Variants in HORMAD1 observed in about 807,000 individuals in gnomAD.
HORMAD1 encodes HORMA domain containing 1.
In HORMAD1, 33 loss-of-function variants were observed where a neutral mutation model predicts 58.2. That is an observed-to-expected ratio of 0.57 (90% confidence interval 0.43 to 0.76). The LOEUF (loss-of-function observed/expected upper bound fraction) is 0.76. Among genes scored for constraint, HORMAD1 ranks in the 30% least tolerant of loss-of-function variants. The pLI is 0.00. For synonymous variants in HORMAD1, 137 were observed against 144.6 expected, an observed-to-expected ratio of 0.95 and a Z score of 0.38; for missense variants, 363 against 462.0, an observed-to-expected ratio of 0.79 and a Z score of 1.96.
At chr1:150,708,203 A>G in intron 9 of HORMAD1, 53 bp downstream of exon 9, 1 of 1,341,914 alleles carries the variant, frequency 7.5e-7, no homozygotes, top group East Asian at 2.6e-5. Flanking sequence ...CAATTGTTTC[A>G]ATAATGATAA....
chr1:150,716,654 T>C (rs976230855), intron 3 of HORMAD1, among the ~76,000 whole-genome samples: 1 of 151,764 alleles, frequency 6.6e-6, no homozygotes, highest in Non-Finnish European at 1.5e-5. Context: ...TGTACAAATC[T>C]GTTAATTTAT....
Position 150,719,642 on chromosome 1 carries a change from A to G in HORMAD1, c.-33-104T>C, listed in dbSNP as rs1004164887. The G allele has an allele frequency of 5.6e-6, 3 of 539,092 alleles. No individual in the cohort carries two copies. In the African/African-American group the frequency reaches 5.9e-5, roughly 11 times the overall value. The allele number at this position is 539,092 out of a possible 1,614,324, so 33.4% of individuals were successfully genotyped here. Reference sequence around the variant, plus strand: ...AAACAATTTTATGTGAATAAATTTGAATTTCTTTAATTAAAATAGAGTCTT... The same window carrying G: ...AAACAATTTTATGTGAATAAATTTGGATTTCTTTAATTAAAATAGAGTCTT... On this transcript the variant is annotated intron_variant, in intron 1 of 14. Transcript: ENST00000361824.
intron 10 of HORMAD1, 56 bp from the exon 11 acceptor site, chr1:150,704,399 C>T: frequency 1.8e-6 from 2 of 1,113,962 alleles, no homozygotes; most frequent in South Asian, 1.4e-5. Flanking sequence ...ACTAAAACAA[C>T]TGAGCAGAAA....
intron 4 of HORMAD1, 48 bp downstream of exon 4, chr1:150,714,567 A>G: frequency 9.4e-7 from 1 of 1,068,226 alleles, no homozygotes; most frequent in Non-Finnish European, 1.3e-6. Flanking sequence ...AAAAAAAAGT[A>G]AAATGAGAAA....
At chr1:150,705,563 G>T (rs1441498960) in intron 10 of HORMAD1, among the ~76,000 whole-genome samples, 3 of 151,916 alleles carry the variant, frequency 2.0e-5, no homozygotes, top group Non-Finnish European at 1.5e-5. Flanking sequence ...ACTCTTCAGA[G>T]AGTTATTGAA....
At chr1:150,706,843 T>C (rs1651712050) in intron 9 of HORMAD1, 34 bp from the exon 10 acceptor site, 1 of 1,527,820 alleles carries the variant, frequency 6.5e-7, no homozygotes. Context: ...GTGCTGTTCA[T>C]GAAATTAAAG....
At chr1:150,717,668 C>G (rs1652126443) in intron 2 of HORMAD1, among the ~76,000 whole-genome samples, 2 of 152,294 alleles carry the variant, frequency 1.3e-5, no homozygotes, top group South Asian at 4.1e-4. Flanking sequence ...TGCAGTGGCT[C>G]ACGCCTGTAA....
chr1:150,702,476 T>G (rs1030472237), intron 13 of HORMAD1, among the ~76,000 whole-genome samples: 2 of 152,214 alleles, frequency 1.3e-5, no homozygotes, highest in Admixed American at 6.5e-5. Flanking sequence ...TGCACCTGTA[T>G]GTTCACTGCA....
chr1:150,702,203 C>A (rs1651556114), intron 13 of HORMAD1, among the ~76,000 whole-genome samples: 4 of 152,070 alleles, frequency 2.6e-5, no homozygotes, highest in Admixed American at 2.6e-4. Context: ...TAGAGAAATG[C>A]AAATCAAAAC....
chr1:150,712,260 G>A (rs1178677001), intron 5 of HORMAD1, among the ~76,000 whole-genome samples: 1 of 152,136 alleles, frequency 6.6e-6, no homozygotes, highest in Non-Finnish European at 1.5e-5. Context: ...AGGAAGTTTT[G>A]GAGACCATAG....
chr1:150,699,504 T>G (rs1240507396), intron 14 of HORMAD1, among the ~76,000 whole-genome samples: 1 of 151,870 alleles, frequency 6.6e-6, no homozygotes, highest in Non-Finnish European at 1.5e-5. Context: ...CATTCTATAT[T>G]CTCTTATATT....
intron 9 of HORMAD1, among the ~76,000 whole-genome samples, chr1:150,707,263 A>C (rs1378589282): frequency 6.6e-6 from 1 of 152,230 alleles, no homozygotes; most frequent in Non-Finnish European, 1.5e-5. Context: ...AATACATATA[A>C]AATTTCTTAA....
intron 9 of HORMAD1, among the ~76,000 whole-genome samples, chr1:150,707,129 T>C (rs1651720243): frequency 6.6e-6 from 1 of 152,200 alleles, no homozygotes; most frequent in African/African-American, 2.4e-5. Flanking sequence ...TCGTAAAATG[T>C]TGAGAAGAGA....
chr1:150,715,338 G>A (rs946096517), intron 3 of HORMAD1, among the ~76,000 whole-genome samples: 1 of 151,936 alleles, frequency 6.6e-6, no homozygotes. Flanking sequence ...AGAACTTAAC[G>A]GGCTATCAAA....
At chr1:150,706,407 G>T in intron 10 of HORMAD1, 146 bp downstream of exon 10, 1 of 691,996 alleles carries the variant, frequency 1.4e-6, no homozygotes, top group South Asian at 2.0e-5. Flanking sequence ...AAAACCATAG[G>T]CCTAGACTTT....
chr1:150,703,234 GA>G (rs1385078636), intron 13 of HORMAD1, 75 bp downstream of exon 13: 1 of 804,018 alleles, frequency 1.2e-6, no homozygotes, highest in Non-Finnish European at 2.0e-6. Flanking sequence ...TTTAATAAAC[GA>G]AATATTAAAA....
intron 5 of HORMAD1, among the ~76,000 whole-genome samples, chr1:150,712,745 C>T (rs1651939966): frequency 6.6e-6 from 1 of 152,144 alleles, no homozygotes; most frequent in African/African-American, 2.4e-5. Context: ...CAAGGTTTCA[C>T]CATGTTGGCC....
chr1:150,716,474 T>C (rs149910617), intron 3 of HORMAD1, among the ~76,000 whole-genome samples: 1,747 of 151,840 alleles, frequency 0.012, 33 homozygotes, highest in African/African-American at 0.04. Flanking sequence ...CCACATTTTA[T>C]ATTATTTCAT....
In HORMAD1 at chr1:150,703,352, A is replaced by C. The variant is rs771747459; in HGVS notation, c.990T>G (p.Ser330=). The change falls in exon 13 of 15, where the codon TCT becomes TCG. Residue 330 remains serine, a synonymous_variant. Coordinates refer to ENST00000361824, the MANE Select transcript of HORMAD1 (RefSeq NM_032132.5). ...CTTTTCCACTTCTTGTTTTGCTTTC[A>C]GACATATCAAGTTCAGATGTTTTAT... ...LVNKTSELDM[S]ESKTRSGKVF... is the part of the protein sequence containing the mutation. The C allele has an allele frequency of 6.3e-7, 1 of 1,583,062 alleles. No homozygotes were observed. Among genetic ancestry groups the C allele is most frequent in the South Asian group, 1.1e-5 (1 of 87,600 alleles).
Sources: gnomAD v4.1 joint callset for allele counts (sites outside exome capture counted in the v4.1 genomes callset) on GRCh38, gnomAD v4.1.1 for gene constraint, MANE v1.5 for transcripts, NCBI Gene and HGNC (gene_info 2026-07-23, HGNC 2026-07-21) for gene names.